The following LIG4 variants were observed in gnomAD, a reference collection of about 807,000 sequenced individuals.
The protein encoded by LIG4 is DNA ligase 4.
A neutral mutation model predicts 19.0 loss-of-function variants in LIG4; 13 were observed. The ratio of observed to expected loss-of-function variants is 0.68; its 90% CI spans 0.44 to 1.09. LIG4 has a LOEUF of 1.09. LIG4 is among the 50% of genes least tolerant of loss of function. LIG4 has a pLI of 0.00. For missense variants in LIG4, 1,026 were observed against 1,089.7 expected, an observed-to-expected ratio of 0.94 and a Z score of 0.82; for synonymous variants, 361 against 358.2, an observed-to-expected ratio of 1.01 and a Z score of -0.09.
At position 108,208,844 on chromosome 13, in the gene LIG4, G is replaced by C. The variant is rs137899041; in HGVS notation, c.2425C>G (p.Pro809Ala). The change falls in exon 3 of 3, where the codon CCT becomes GCT. Residue 809 changes from proline (P) to alanine (A), a missense_variant. Physicochemically the swap from Pro to Ala is conservative, Grantham distance 27. This residue lies in a region of LIG4 where 521 missense variants were observed against 515.5 expected (regional missense o/e 1.01). Coordinates refer to ENST00000442234, the MANE Select transcript of LIG4 (RefSeq NM_206937.2). ...GTGTGGCGTCGAAACATACTGAGAG[G>C]AGAGCAATCCCAGGAATACCGATAT... ...LEYRYSWDCS[P>A]LSMFRRHTVY... The C allele has an allele frequency of 5.5e-5, 89 of 1,613,956 alleles. No individual in the cohort carries two copies. Among genetic ancestry groups the C allele is most frequent in the Middle Eastern group, 3.3e-4 (2 of 6,084 alleles).
In LIG4 at chr13:108,211,070, C is replaced by A. The variant is rs1878608331; in HGVS notation, c.199G>T (p.Ala67Ser). ...AGCTGAGGAAGAATTAGTCTCATTG[C>A]TGGATAAAAAGAGTCTGTGACATCT... Reference protein sequence around the residue: ...HKDVTDSFYPAMRLILPQLER... With the variant: ...HKDVTDSFYPSMRLILPQLER... The change falls in exon 3 of 3, where the codon GCA (alanine) becomes TCA (serine). Residue 67 changes from alanine to serine, a missense_variant. Ala to Ser is a moderately conservative substitution (Grantham distance 99). Coordinates refer to ENST00000442234, the MANE Select transcript of LIG4 (RefSeq NM_206937.2). 6.2e-7 allele frequency: 1 copy of A among 1,603,976 alleles called. No individual in the cohort carries two copies. Among genetic ancestry groups the A allele is most frequent in the Non-Finnish European group, 8.5e-7 (1 of 1,174,990 alleles).
chr13:108,216,400 C>T (rs1879292611), upstream of LIG4, among the ~76,000 whole-genome samples: 1 of 152,104 alleles, frequency 6.6e-6, no homozygotes, highest in African/African-American at 2.4e-5. Flanking sequence ...CTGCAGTGGG[C>T]CCTGATAAAA....
Position 108,210,931 on chromosome 13 carries a change from C to G in LIG4, c.338G>C (p.Arg113Thr). Residue 113 changes from arginine (R) to threonine (T), a missense_variant, in exon 3 of 3, where the codon AGA (arginine) becomes ACA (threonine). By Grantham distance (71) the Arg-to-Thr change is moderately conservative (BLOSUM62 -1). Coordinates refer to ENST00000442234, the MANE Select transcript of LIG4 (RefSeq NM_206937.2). ...GKDALKLLNY[R>T]TPTGTHGDAG... Reference sequence around the variant, plus strand: ...ATCTCCATGAGTTCCAGTGGGTGTTCTGTAGTTTAAAAGTTTGAGGGCATC... The same window carrying G: ...ATCTCCATGAGTTCCAGTGGGTGTTGTGTAGTTTAAAAGTTTGAGGGCATC... 1 of 1,613,844 alleles carries G rather than the reference C, an allele frequency of 6.2e-7. No homozygotes were observed. Among genetic ancestry groups the G allele is most frequent in the Admixed American group, 1.7e-5 (1 of 60,002 alleles).
chr13:108,216,909 GT>G (rs112966004), upstream of LIG4, among the ~76,000 whole-genome samples: 4,660 of 152,164 alleles, frequency 0.031, 242 homozygotes, highest in African/African-American at 0.11. Flanking sequence ...ACAATCAAGG[GT>G]TTTTTTCACT....
upstream of LIG4, chr13:108,218,283 G>A (rs1410596566): frequency 6.6e-6 from 1 of 152,342 alleles, no homozygotes; most frequent in Non-Finnish European, 1.5e-5. Flanking sequence ...GGAAGGCCAA[G>A]ATCCCTAGGT....
At chr13:108,215,622 A>C (rs1246540576), upstream of LIG4, 1 of 150,726 alleles carries the variant, frequency 6.6e-6, no homozygotes, top group Non-Finnish European at 1.5e-5. Flanking sequence ...CGGCGCAGCC[A>C]GGCTCGCGAT....
chr13:108,209,517 T>C lies in LIG4; in HGVS notation c.1752A>G (p.Ile584Met), dbSNP rs778785132. ...CTLRFPRIEKIRDDKEWHECM... is the reference protein window; with the variant it reads ...CTLRFPRIEKMRDDKEWHECM... ...ACTCATGCCACTCCTTGTCATCTCTTATCTTTTCAATTCGTGGAAAACGCA... is the reference window on the plus strand; with the variant it reads ...ACTCATGCCACTCCTTGTCATCTCTCATCTTTTCAATTCGTGGAAAACGCA... The change falls in exon 3 of 3, where the codon ATA becomes ATG. Residue 584 changes from isoleucine (I) to methionine (M), a missense_variant. Ile to Met is a conservative substitution (Grantham distance 10). This residue lies in a region of LIG4 where 521 missense variants were observed against 515.5 expected (regional missense o/e 1.01). Coordinates refer to ENST00000442234, the MANE Select transcript of LIG4 (RefSeq NM_206937.2). 6 of 1,614,044 alleles carry C rather than the reference T, an allele frequency of 3.7e-6. No homozygotes were observed. The South Asian group carries it at 5.5e-5, about 15-fold the overall frequency.
chr13:108,210,677 C>T lies in LIG4; in HGVS notation c.592G>A (p.Val198Ile), dbSNP rs151152559. ...RMIIKDLKLG[V>I]SQQTIFSVFH... The stretch of plus-strand genomic sequence containing the variant: ...ACAGAAAAGATAGTTTGCTGACTAA[C>T]ACCAAGCTTTAAATCCTTTATGATC... Residue 198 changes from valine to isoleucine, a missense_variant, in exon 3 of 3, where the codon GTT becomes ATT. Val to Ile is a conservative substitution (Grantham distance 29). Coordinates refer to ENST00000442234, the MANE Select transcript of LIG4 (RefSeq NM_206937.2). 12 of 1,613,836 alleles carry T rather than the reference C, an allele frequency of 7.4e-6. No individual in the cohort carries two copies. In the African/African-American group the frequency reaches 1.5e-4, roughly 20 times the overall value.
At position 108,209,373 on chromosome 13, in the gene LIG4, T is replaced by C. The variant is rs762130181; in HGVS notation, c.1896A>G (p.Pro632=). The change falls in exon 3 of 3, where the codon CCA becomes CCG. Residue 632 remains proline (P), a synonymous_variant. Coordinates refer to ENST00000442234, the MANE Select transcript of LIG4 (RefSeq NM_206937.2). ...EPQEKKRKAA[P]KMKKVIGIIE... is the part of the protein sequence containing the mutation. Reference sequence around the variant, plus strand: ...TAATTCCAATAACTTTCTTCATCTTTGGGGCAGCTTTCCGCTTTTTTTCTT... The same window carrying C: ...TAATTCCAATAACTTTCTTCATCTTCGGGGCAGCTTTCCGCTTTTTTTCTT... The C allele has an allele frequency of 1.2e-6, 2 of 1,614,158 alleles. No homozygotes were observed. The highest frequency in any genetic ancestry group is 1.7e-6 in the Non-Finnish European group (2 of 1,180,014).
At chr13:108,217,299 A>AG (rs2139002651), upstream of LIG4, among the ~76,000 whole-genome samples, 1 of 152,128 alleles carries the variant, frequency 6.6e-6, no homozygotes, top group Non-Finnish European at 1.5e-5. Context: ...GTGGATCACC[A>AG]GAGGTGGGGA....
Position 108,208,453 on chromosome 13 carries a change from T to G in LIG4, c.*80A>C. On this transcript the variant is annotated 3_prime_UTR_variant, in exon 3 of 3. Coordinates refer to ENST00000442234, the MANE Select transcript of LIG4 (RefSeq NM_206937.2). ...AGATTTTTAAGATACAAAAATAAAA[T>G]GTAGTTTAGTATTTTATCATTACCA... 1 of 820,962 alleles carries G rather than the reference T, an allele frequency of 1.2e-6. No homozygotes were observed. Among genetic ancestry groups the G allele is most frequent in the Non-Finnish European group, 2.0e-6 (1 of 502,836 alleles). 50.9% of individuals were successfully genotyped at this position (820,962 alleles called of 1,614,324 possible).
In LIG4 at chr13:108,209,645, T is replaced by C; in HGVS notation, c.1624A>G (p.Thr542Ala). The change falls in exon 3 of 3, where the codon ACA becomes GCA. Residue 542 changes from threonine to alanine, a missense_variant. By Grantham distance (58) the Thr-to-Ala change is moderately conservative (BLOSUM62 0). Coordinates refer to ENST00000442234, the MANE Select transcript of LIG4 (RefSeq NM_206937.2). Reference sequence around the variant, plus strand: ...TCAATGTATACTTCTGGCTTCTCTGTTCCACATAAAATGCTGCTTGGTGGA... The same window carrying C: ...TCAATGTATACTTCTGGCTTCTCTGCTCCACATAAAATGCTGCTTGGTGGA... ...KAPPSSILCG[T>A]EKPEVYIEPC... 6.2e-7 allele frequency: 1 copy of C among 1,614,200 alleles called. No homozygotes were observed. The highest frequency in any genetic ancestry group is 8.5e-7 in the Non-Finnish European group (1 of 1,180,026).
At position 108,208,469 on chromosome 13, in the gene LIG4, A is replaced by T. The variant is rs1566358361; in HGVS notation, c.*64T>A. The T allele has an allele frequency of 5.1e-6, 5 of 989,104 alleles. No homozygotes were observed. Among genetic ancestry groups the T allele is most frequent in the Non-Finnish European group, 7.8e-6 (5 of 639,168 alleles). 61.3% of individuals were successfully genotyped at this position (989,104 alleles called of 1,614,324 possible). A position where few individuals can be genotyped will look rare whatever the true frequency, so the allele number is the denominator to read the frequency against. On this transcript the variant is annotated 3_prime_UTR_variant, in exon 3 of 3. Coordinates refer to ENST00000442234, the MANE Select transcript of LIG4 (RefSeq NM_206937.2). Reference sequence around the variant, plus strand: ...AAAATAAAATGTAGTTTAGTATTTTATCATTACCACCTGCTGCAATGAGTC... The same window carrying T: ...AAAATAAAATGTAGTTTAGTATTTTTTCATTACCACCTGCTGCAATGAGTC...
chr13:108,208,603 A>G lies in LIG4; in HGVS notation c.2666T>C (p.Leu889Pro). ...TGAATCAGTTACCCAACTTTCTTTT[A>G]GGATTTTAAACTTTCTCTTAAAAGT... Reference protein sequence around the residue: ...RRTFKRKFKILKESWVTDSID... With the variant: ...RRTFKRKFKIPKESWVTDSID... The change falls in exon 3 of 3, where the codon CTA becomes CCA. Residue 889 changes from leucine (L) to proline (P), a missense_variant. Leu to Pro is a moderately conservative substitution (Grantham distance 98). Transcript: ENST00000442234. The G allele has an allele frequency of 6.2e-7, 1 of 1,613,148 alleles. No homozygotes were observed.
Position 108,207,563 on chromosome 13 carries a change from G to A in LIG4, c.*970C>T. 6.6e-6 allele frequency: 1 copy of A among 152,078 alleles called. No individual in the cohort carries two copies. The highest frequency in any genetic ancestry group is 1.5e-5 in the Non-Finnish European group (1 of 68,012). The allele number at this position is 152,078 out of a possible 1,614,324, so 9.4% of individuals were successfully genotyped here. A position where few individuals can be genotyped will look rare whatever the true frequency, so the allele number is the denominator to read the frequency against. On this transcript the variant is annotated 3_prime_UTR_variant, in exon 3 of 3. Coordinates refer to ENST00000442234, the MANE Select transcript of LIG4 (RefSeq NM_206937.2). The stretch of plus-strand genomic sequence containing the variant: ...AAATAATGCACACATAGTATCGCAT[G>A]GATCAAATTCCGTACATTTCAATAT...
chr13:108,210,806 T>A lies in LIG4; in HGVS notation c.463A>T (p.Ile155Phe). ...IQQVNDLLDS[I>F]ASNNSAKRKD... ...CTTTTAGCAGAATTATTGCTGGCAA[T>A]TGAGTCTAAAAGGTCGTTTACTTGC... Residue 155 changes from isoleucine to phenylalanine, a missense_variant, in exon 3 of 3, where the codon ATT (isoleucine) becomes TTT (phenylalanine). Physicochemically the swap from Ile to Phe is conservative, Grantham distance 21. This residue lies in a region of LIG4 where 493 missense variants were observed against 544.5 expected (regional missense o/e 0.91). Transcript: ENST00000442234. The A allele has an allele frequency of 6.2e-7, 1 of 1,613,968 alleles. No homozygotes were observed. The highest frequency in any genetic ancestry group is 8.5e-7 in the Non-Finnish European group (1 of 1,179,938).
rs890368443 is a variant in LIG4 at position 108,207,741 on chromosome 13, C to T, written c.*792G>A. ...AGTTACAATATGCATGCCATATTGA[C>T]ACCTATTCAATAGATAAAATCTAGG... On this transcript the variant is annotated 3_prime_UTR_variant, in exon 3 of 3. Transcript: ENST00000442234. The T allele has an allele frequency of 5.9e-5, 9 of 152,096 alleles. No homozygotes were observed. Among genetic ancestry groups the T allele is most frequent in the African/African-American group, 1.9e-4 (8 of 41,422 alleles). The allele number at this position is 152,096 out of a possible 1,614,324, so 9.4% of individuals were successfully genotyped here. A position where few individuals can be genotyped will look rare whatever the true frequency, so the allele number is the denominator to read the frequency against.
Position 108,209,425 on chromosome 13 carries a change from A to G in LIG4, c.1844T>C (p.Leu615Pro). Residue 615 changes from leucine to proline, a missense_variant, in exon 3 of 3, where the codon CTT becomes CCT. Physicochemically the swap from Leu to Pro is moderately conservative, Grantham distance 98. Around this residue, in one of 3 missense-constraint regions of LIG4, gnomAD observed 521 missense variants for 515.5 expected, o/e 1.01. Coordinates refer to ENST00000442234, the MANE Select transcript of LIG4 (RefSeq NM_206937.2). ...TGGTTCATCATCACCACCTATATAA[A>G]GGTGTTTAGATGCGAGCTTACCAGA... ...KASGKLASKH[L>P]YIGGDDEPQE... 1.2e-6 allele frequency: 2 copies of G among 1,614,116 alleles called. No homozygotes were observed. Among genetic ancestry groups the G allele is most frequent in the Non-Finnish European group, 1.7e-6 (2 of 1,180,030 alleles).
rs749198307 is a variant in LIG4, at chr13:108,210,358, G to A, written c.911C>T (p.Ala304Val). 7.4e-6 allele frequency: 12 copies of A among 1,613,860 alleles called. No individual in the cohort carries two copies. Among genetic ancestry groups the A allele is most frequent in the Non-Finnish European group, 1.0e-5 (12 of 1,179,876 alleles). Residue 304 changes from alanine to valine, a missense_variant, in exon 3 of 3, where the codon GCT becomes GTT. This residue lies in a region of LIG4 where 493 missense variants were observed against 544.5 expected (regional missense o/e 0.91). Coordinates refer to ENST00000442234, the MANE Select transcript of LIG4 (RefSeq NM_206937.2). Reference sequence around the variant, plus strand: ...GGTAAGAGAACCTTCAGTAGGAGAAGCACCAAACTGATCAGTGTAGTTATA... The same window carrying A: ...GGTAAGAGAACCTTCAGTAGGAGAAACACCAAACTGATCAGTGTAGTTATA... ...NGYNYTDQFG[A>V]SPTEGSLTPF...
Sources: gnomAD v4.1 joint callset for allele counts (sites outside exome capture counted in the v4.1 genomes callset) on GRCh38, gnomAD v4.1.1 for gene constraint, gnomAD v4.1.1 regional missense constraint, MANE v1.5 for transcripts, NCBI Gene and HGNC (gene_info 2026-07-23, HGNC 2026-07-21) for gene names.